Variants in RNF24 observed in about 807,000 individuals in gnomAD.
RNF24 encodes ring finger protein 24.
RNF24 carries 14 observed loss-of-function variants against 20.0 expected under a neutral mutation model. The ratio of observed to expected loss-of-function variants is 0.70; its 90% CI spans 0.46 to 1.10. The LOEUF (loss-of-function observed/expected upper bound fraction) is 1.10, where lower values mean the gene tolerates loss of function less well. Ranked by LOEUF, RNF24 falls within the 50% of genes least tolerant of loss-of-function variation. The pLI is 0.00. For missense variants in RNF24, 124 were observed against 177.6 expected, an observed-to-expected ratio of 0.70 and a Z score of 1.71; for synonymous variants, 45 against 61.1, an observed-to-expected ratio of 0.74 and a Z score of 1.23.
chr20:3,996,441 C>T (rs751444310), intron 1 of RNF24, among the ~76,000 whole-genome samples: 1 of 152,118 alleles, frequency 6.6e-6, no homozygotes, highest in African/African-American at 2.4e-5. Flanking sequence ...GTATCGGCTA[C>T]GAGAAACAGA....
Position 3,933,015 on chromosome 20 carries a change from T to TA in RNF24, c.*1047dup, listed in dbSNP as rs1467761322. On this transcript the variant is annotated 3_prime_UTR_variant, in exon 6 of 6. Transcript: ENST00000358395. ...CCAAGTGGATCACCAGCTTCAGAAT[T>TA]ACACAGGGATCTTATTTGGGATAAA... The TA allele has an allele frequency of 7.6e-6, 3 of 396,800 alleles. No homozygotes were observed. Among genetic ancestry groups the TA allele is most frequent in the African/African-American group, 6.2e-5 (3 of 48,110 alleles). The allele number at this position is 396,800 out of a possible 1,614,324, so 24.6% of individuals were successfully genotyped here.
intron 2 of RNF24, among the ~76,000 whole-genome samples, 191 bp from the exon 3 acceptor site, chr20:3,948,470 C>T (rs1181338016): frequency 1.3e-5 from 2 of 152,082 alleles, no homozygotes; most frequent in African/African-American, 4.8e-5. Flanking sequence ...CCCAGGGAAC[C>T]ATGAAATGTT....
chr20:3,977,383 T>C (rs1248976859), intron 1 of RNF24, among the ~76,000 whole-genome samples: 1 of 152,060 alleles, frequency 6.6e-6, no homozygotes, highest in East Asian at 1.9e-4. Flanking sequence ...CCACAAACAG[T>C]ATGTATAATT....
rs753687405 is a variant in RNF24 at position 3,989,495 on chromosome 20, A to AT, written c.-7-25472_-7-25471insA. Among the ~76,000 whole-genome samples, 366 of 152,092 alleles carry AT rather than the reference A, an allele frequency of 2.4e-3. 1 individual carries two copies. Among genetic ancestry groups the AT allele is most frequent in the Non-Finnish European group, 4.1e-3 (276 of 67,970 alleles). On this transcript the variant is annotated intron_variant, in intron 1 of 5. Transcript: ENST00000358395. ...GACAGAGCAAGACTCCATCTCAAAA[A>AT]AAAAAAATAAAAAAAGAAAAACCTG...
chr20:3,980,713 A>C (rs1281241853), intron 1 of RNF24, among the ~76,000 whole-genome samples: 1 of 152,214 alleles, frequency 6.6e-6, no homozygotes, highest in Non-Finnish European at 1.5e-5. Context: ...ACTTTACAGC[A>C]GAGTTCATAA....
At chr20:4,008,696 G>A (rs775903067) in intron 1 of RNF24, among the ~76,000 whole-genome samples, 47 of 149,606 alleles carry the variant, frequency 3.1e-4, no homozygotes, top group South Asian at 8.4e-4. Flanking sequence ...ACAGGCACCC[G>A]CCACCACACC....
chr20:3,944,205 G>A (rs1236510966), intron 4 of RNF24, among the ~76,000 whole-genome samples: 5 of 97,564 alleles, frequency 5.1e-5, no homozygotes, highest in South Asian at 7.0e-4. Context: ...GTAAGACCCC[G>A]TCTCAAAAAA....
intron 1 of RNF24, among the ~76,000 whole-genome samples, chr20:3,997,596 A>T (rs1368434879): frequency 1.3e-5 from 2 of 149,754 alleles, no homozygotes; most frequent in African/African-American, 2.5e-5. Flanking sequence ...CCAGCTAATT[A>T]TTTTTTTTTT....
rs750293287 is a variant in RNF24, at chr20:3,933,162, CCT to C, written c.*899_*900del. ...GGGAGAGGCCAAAGGGTCGGCATTC[CCT>C]TCATCCAGCCGGGCCAGAAGTATGG... On this transcript the variant is annotated 3_prime_UTR_variant, in exon 6 of 6. Transcript: ENST00000358395. 5.1e-6 allele frequency: 2 copies of C among 395,154 alleles called. No individual in the cohort carries two copies. The highest frequency in any genetic ancestry group is 4.4e-6 in the Non-Finnish European group (1 of 225,380). 24.5% of individuals were successfully genotyped at this position (395,154 alleles called of 1,614,324 possible). A position where few individuals can be genotyped will look rare whatever the true frequency, so the allele number is the denominator to read the frequency against.
chr20:4,007,909 T>C (rs1048296323), intron 1 of RNF24, among the ~76,000 whole-genome samples: 2 of 151,462 alleles, frequency 1.3e-5, no homozygotes, highest in African/African-American at 2.4e-5. Context: ...AGAACAAGAC[T>C]CTCTCTCTTA....
intron 1 of RNF24, among the ~76,000 whole-genome samples, chr20:4,005,220 G>A (rs955708168): frequency 2.0e-5 from 3 of 152,140 alleles, no homozygotes; most frequent in African/African-American, 4.8e-5. Flanking sequence ...ATTGCTGTAA[G>A]CAGTAAATAG....
Position 3,948,269 on chromosome 20 carries a change from G to C in RNF24, c.154C>G (p.Gln52Glu). Residue 52 changes from glutamine (Q) to glutamate (E), a missense_variant, in exon 3 of 6, where the codon CAA (glutamine) becomes GAA (glutamate). Physicochemically the swap from Gln to Glu is conservative, Grantham distance 29 (BLOSUM62 2). Transcript: ENST00000358395. Reference sequence around the variant, plus strand: ...TAGGCATAAAATTCTTTGTGTGCTTGATGTCTTAGCCTAAAAGACAGAAAT... The same window carrying C: ...TAGGCATAAAATTCTTTGTGTGCTTCATGTCTTAGCCTAAAAGACAGAAAT... The part of the protein sequence containing the change: ...FCCYLIRLRH[Q>E]AHKEFYAYKQ... The C allele has an allele frequency of 6.3e-7, 1 of 1,588,268 alleles. No homozygotes were observed. Among genetic ancestry groups the C allele is most frequent in the Admixed American group, 1.8e-5 (1 of 54,070 alleles).
At position 3,995,187 on chromosome 20, in the gene RNF24, AC is replaced by A. The variant is rs371691917; in HGVS notation, c.-8+20249del. 7.0e-3 allele frequency among the ~76,000 whole-genome samples: 1,067 copies of A among 152,232 alleles called. 12 individuals carry two copies. The highest frequency in any genetic ancestry group is 0.024 in the African/African-American group (992 of 41,558). On this transcript the variant is annotated intron_variant, in intron 1 of 5. Transcript: ENST00000358395. ...TCCCATCTATAATATAGGGAGAGTT[AC>A]CCACATCCACCTCTGGGGTGTGCCT...
At chr20:3,939,140 T>C (rs2090925225) in intron 4 of RNF24, among the ~76,000 whole-genome samples, 2 of 152,116 alleles carry the variant, frequency 1.3e-5, no homozygotes. Context: ...GCTATGAAGA[T>C]TTATACATCT....
At chr20:3,943,811 T>C (rs2090985356) in intron 4 of RNF24, among the ~76,000 whole-genome samples, 1 of 152,216 alleles carries the variant, frequency 6.6e-6, no homozygotes, top group African/African-American at 2.4e-5. Flanking sequence ...AATTTAATCT[T>C]TTCATTTACG....
intron 1 of RNF24, among the ~76,000 whole-genome samples, chr20:3,983,695 C>T (rs1979624742): frequency 6.6e-6 from 1 of 152,056 alleles, no homozygotes. Flanking sequence ...AATCCCAGCA[C>T]TTTGGGAGGC....
chr20:3,973,508 A>C (rs1600676307), intron 1 of RNF24, among the ~76,000 whole-genome samples: 2 of 70,760 alleles, frequency 2.8e-5, no homozygotes, highest in South Asian at 1.3e-3. Context: ...GACAAAAAAA[A>C]AAAAAAAAAA....
chr20:3,984,065 GC>G, intron 1 of RNF24, among the ~76,000 whole-genome samples: 1 of 151,594 alleles, frequency 6.6e-6, no homozygotes, highest in Non-Finnish European at 1.5e-5. Flanking sequence ...TTGAAACCAG[GC>G]TGAGCAATAT....
chr20:3,983,210 G>A (rs1328170747), intron 1 of RNF24, among the ~76,000 whole-genome samples: 2 of 152,140 alleles, frequency 1.3e-5, no homozygotes, highest in East Asian at 1.9e-4. Context: ...TGGACTAAGG[G>A]AGGTCTTTAC....
Sources: allele counts gnomAD v4.1 joint callset (sites outside exome capture counted in the v4.1 genomes callset), GRCh38; gene constraint gnomAD v4.1.1; transcripts MANE v1.5; gene names NCBI Gene and HGNC (gene_info 2026-07-23, HGNC 2026-07-21).